The following FNBP1L variants were observed in gnomAD, a reference collection of about 807,000 sequenced individuals.
The protein encoded by FNBP1L is formin binding protein 1 like.
FNBP1L carries 36 observed loss-of-function variants against 91.2 expected under a neutral mutation model. The observed-to-expected ratio is 0.39, with a 90% CI of 0.30 to 0.52. The LOEUF is 0.52. Ranked by LOEUF, FNBP1L falls within the 20% of genes least tolerant of loss-of-function variation. The pLI, the probability that FNBP1L is intolerant of heterozygous loss-of-function variation, is 0.66. For synonymous variants in FNBP1L, 242 were observed against 237.0 expected (o/e 1.02, Z -0.19); for missense variants, 571 against 732.1 (o/e 0.78, Z 2.54).
At chr1:93,521,939 G>T (rs1671341139) in intron 2 of FNBP1L, 143 bp from the exon 3 acceptor site, 2 of 385,430 alleles carry the variant, frequency 5.2e-6, no homozygotes, top group Non-Finnish European at 9.3e-6. Flanking sequence ...ATATTATGAT[G>T]CTAATGGAGT....
intron 1 of FNBP1L, among the ~76,000 whole-genome samples, chr1:93,484,582 G>T (rs1400906990): frequency 6.6e-6 from 1 of 152,198 alleles, no homozygotes. Flanking sequence ...GTCAGCACAG[G>T]GGGACCAAAC....
At chr1:93,518,505 G>A (rs1440894506) in intron 2 of FNBP1L, among the ~76,000 whole-genome samples, 1 of 152,148 alleles carries the variant, frequency 6.6e-6, no homozygotes, top group Non-Finnish European at 1.5e-5. Flanking sequence ...TGTTAAGGTG[G>A]GAGAAAGTGT....
chr1:93,540,735 C>A lies in FNBP1L; in HGVS notation c.1150-307C>A, dbSNP rs80069116. Among the ~76,000 whole-genome samples, 1,420 of 151,688 alleles carry A rather than the reference C, an allele frequency of 9.4e-3. 12 individuals carry two copies. The highest frequency in any genetic ancestry group is 0.015 in the Non-Finnish European group (1,018 of 67,882). On this transcript the variant is annotated intron_variant, in intron 10 of 16. Transcript: ENST00000271234. ...AATAAAGAGCTATAGAAGTGAAATCCACTTACATAAAATTCACTTTAAAAG... is the reference window on the plus strand; with the variant it reads ...AATAAAGAGCTATAGAAGTGAAATCAACTTACATAAAATTCACTTTAAAAG...
At chr1:93,452,539 T>C (rs762619064) in intron 1 of FNBP1L, among the ~76,000 whole-genome samples, 5 of 152,152 alleles carry the variant, frequency 3.3e-5, no homozygotes, top group Admixed American at 6.5e-5. Flanking sequence ...ATTAATAGAT[T>C]TATCTGTAAC....
Position 93,448,189 on chromosome 1 carries a change from T to C in FNBP1L, c.-93T>C, listed in dbSNP as rs893346178. 2 of 1,482,306 alleles carry C rather than the reference T, an allele frequency of 1.3e-6. No homozygotes were observed. The highest frequency in any genetic ancestry group is 1.8e-6 in the Non-Finnish European group (2 of 1,104,030). The allele number at this position is 1,482,306 out of a possible 1,614,324, so 91.8% of individuals were successfully genotyped here. A position where few individuals can be genotyped will look rare whatever the true frequency, so the allele number is the denominator to read the frequency against. On this transcript the variant is annotated 5_prime_UTR_variant, in exon 1 of 17. Coordinates refer to ENST00000271234, the MANE Select transcript of FNBP1L (RefSeq NM_001164473.3). ...TTTCGAGGTAGACCCGCTGAGCTGC[T>C]AGCCCGCCGGCCAGCGAGTGAGAGG...
chr1:93,533,285 ACT>A (rs548846333), intron 8 of FNBP1L, among the ~76,000 whole-genome samples: 110 of 152,086 alleles, frequency 7.2e-4, no homozygotes, highest in African/African-American at 2.5e-3. Flanking sequence ...AAGATTTCTA[ACT>A]CTCTTCTCCC....
At chr1:93,524,838 C>T (rs1273162606) in intron 5 of FNBP1L, among the ~76,000 whole-genome samples, 1 of 151,770 alleles carries the variant, frequency 6.6e-6, no homozygotes, top group Non-Finnish European at 1.5e-5. Context: ...GTAAATGCTC[C>T]TGATATTGGC....
chr1:93,507,942 C>G (rs1340089038), intron 2 of FNBP1L, among the ~76,000 whole-genome samples: 1 of 151,204 alleles, frequency 6.6e-6, no homozygotes, highest in Non-Finnish European at 1.5e-5. Context: ...AGCCACCACC[C>G]CTGGCCTAGT....
chr1:93,468,227 G>T (rs1261636543), intron 1 of FNBP1L, among the ~76,000 whole-genome samples: 2 of 151,828 alleles, frequency 1.3e-5, no homozygotes, highest in East Asian at 3.8e-4. Context: ...TGACTGGCAT[G>T]TTTCAGTTAG....
chr1:93,448,347 T>C, intron 1 of FNBP1L, 42 bp downstream of exon 1: 1 of 1,475,258 alleles, frequency 6.8e-7, no homozygotes, highest in East Asian at 2.9e-5. Flanking sequence ...CCCCGGCCCC[T>C]GAGAAGCGCG....
intron 1 of FNBP1L, among the ~76,000 whole-genome samples, chr1:93,493,458 T>A (rs906279286): frequency 6.6e-6 from 1 of 152,186 alleles, no homozygotes; most frequent in Non-Finnish European, 1.5e-5. Context: ...TGTACAACCA[T>A]CACCACCATA....
chr1:93,527,975 A>G (rs930568534), intron 5 of FNBP1L, among the ~76,000 whole-genome samples: 1 of 152,094 alleles, frequency 6.6e-6, no homozygotes, highest in East Asian at 1.9e-4. Flanking sequence ...TAACTCTATG[A>G]TAGTAGAAAA....
intron 1 of FNBP1L, among the ~76,000 whole-genome samples, chr1:93,468,104 T>C (rs1669152555): frequency 6.6e-6 from 1 of 152,160 alleles, no homozygotes; most frequent in African/African-American, 2.4e-5. Context: ...CACTCCCTTC[T>C]TCTCCCTCTC....
At chr1:93,507,103 A>T (rs867129700) in intron 2 of FNBP1L, among the ~76,000 whole-genome samples, 578 of 52,436 alleles carry the variant, frequency 0.011, 2 homozygotes, top group Non-Finnish European at 0.013. Flanking sequence ...ACACACACAC[A>T]CACACTCTCT....
chr1:93,516,355 C>T (rs959150337), intron 2 of FNBP1L, among the ~76,000 whole-genome samples: 1 of 152,174 alleles, frequency 6.6e-6, no homozygotes, highest in Admixed American at 6.5e-5. Context: ...CCCCCTTTAC[C>T]TGTTAAAAGC....
chr1:93,481,204 A>G (rs989052083), intron 1 of FNBP1L, among the ~76,000 whole-genome samples: 1 of 152,142 alleles, frequency 6.6e-6, no homozygotes, highest in African/African-American at 2.4e-5. Context: ...TAATTTCTAT[A>G]TAAGCAGTTA....
chr1:93,522,045 A>C (rs1165678814), intron 2 of FNBP1L, 37 bp from the exon 3 acceptor site: 1 of 1,332,704 alleles, frequency 7.5e-7, no homozygotes, highest in Non-Finnish European at 1.0e-6. Flanking sequence ...CAATAGTTGA[A>C]ATTTTTAATA....
At chr1:93,460,334 G>C (rs1347783914) in intron 1 of FNBP1L, among the ~76,000 whole-genome samples, 1 of 152,210 alleles carries the variant, frequency 6.6e-6, no homozygotes, top group Non-Finnish European at 1.5e-5. Flanking sequence ...GCCTTCACCA[G>C]ATACCAGTTT....
At chr1:93,513,054 C>A (rs180862884) in intron 2 of FNBP1L, among the ~76,000 whole-genome samples, 1 of 151,948 alleles carries the variant, frequency 6.6e-6, no homozygotes, top group Non-Finnish European at 1.5e-5. Context: ...AGAGAAGAAT[C>A]AAATAGACGC....
Sources: gnomAD v4.1 joint callset for allele counts (sites outside exome capture counted in the v4.1 genomes callset) on GRCh38, gnomAD v4.1.1 for gene constraint, MANE v1.5 for transcripts, NCBI Gene and HGNC (gene_info 2026-07-23, HGNC 2026-07-21) for gene names.